The following CACNA2D3 variants were observed in gnomAD, a reference collection of about 807,000 sequenced individuals.
CACNA2D3 encodes calcium voltage-gated channel auxiliary subunit alpha2delta 3.
A neutral mutation model predicts 160.6 loss-of-function variants in CACNA2D3; 60 were observed. The observed-to-expected ratio is 0.37, with a 90% CI of 0.30 to 0.46. The LOEUF is 0.46. Ranked by LOEUF, CACNA2D3 falls within the 20% of genes least tolerant of loss-of-function variation. The pLI is 1.00. For synonymous variants in CACNA2D3, 558 were observed against 492.9 expected (o/e 1.13, Z -1.75); for missense variants, 1,205 against 1,365.0 (o/e 0.88, Z 1.85).
intron 4 of CACNA2D3, among the ~76,000 whole-genome samples, chr3:54,497,191 T>G (rs371660913): frequency 1.3e-5 from 2 of 152,082 alleles, no homozygotes; most frequent in African/African-American, 4.8e-5. Flanking sequence ...TGTAGATCAC[T>G]TTGGGAAGAA....
chr3:54,748,088 G>A (rs957447558), intron 11 of CACNA2D3, among the ~76,000 whole-genome samples: 1 of 152,140 alleles, frequency 6.6e-6, no homozygotes, highest in Non-Finnish European at 1.5e-5. Context: ...TGAGTTACAC[G>A]TGATAGATGA....
chr3:54,811,664 AT>A (rs370835670), intron 13 of CACNA2D3, among the ~76,000 whole-genome samples: 14 of 150,762 alleles, frequency 9.3e-5, no homozygotes, highest in African/African-American at 3.4e-4. Context: ...TGCCCAGCTA[AT>A]TTTTTTTGTA....
At chr3:54,598,142 C>G (rs1354275245) in intron 9 of CACNA2D3, among the ~76,000 whole-genome samples, 1 of 148,360 alleles carries the variant, frequency 6.7e-6, no homozygotes, top group African/African-American at 2.5e-5. Context: ...AAAAAAAATA[C>G]AACAACAACA....
intron 27 of CACNA2D3, among the ~76,000 whole-genome samples, chr3:54,900,324 TTAGC>T (rs1700298260): frequency 6.6e-6 from 1 of 152,094 alleles, no homozygotes; most frequent in Admixed American, 6.5e-5. Flanking sequence ...GGAATTAGAG[TTAGC>T]TGTATCTGCA....
chr3:54,589,705 A>G (rs1358351158), intron 9 of CACNA2D3, among the ~76,000 whole-genome samples: 1 of 152,216 alleles, frequency 6.6e-6, no homozygotes, highest in Non-Finnish European at 1.5e-5. Context: ...TTAAAACTCA[A>G]CAATAAACAC....
intron 6 of CACNA2D3, among the ~76,000 whole-genome samples, chr3:54,569,238 CATA>C (rs1702455425): frequency 6.6e-6 from 1 of 152,192 alleles, no homozygotes; most frequent in South Asian, 2.1e-4. Flanking sequence ...TATTATGCAG[CATA>C]ATGAGAGCCA....
At chr3:55,027,032 A>AAAC (rs1703577741) in intron 35 of CACNA2D3, among the ~76,000 whole-genome samples, 1 of 152,168 alleles carries the variant, frequency 6.6e-6, no homozygotes, top group Non-Finnish European at 1.5e-5. Context: ...CTAACAGAGC[A>AAAC]AACAACTCAC....
chr3:54,475,160 A>G (rs1169486018), intron 4 of CACNA2D3, among the ~76,000 whole-genome samples: 15 of 152,140 alleles, frequency 9.9e-5, no homozygotes, highest in Admixed American at 7.2e-4. Context: ...ACCTGAGACT[A>G]AAGGCTGAGG....
At chr3:54,692,024 G>C (rs1411354434) in intron 11 of CACNA2D3, among the ~76,000 whole-genome samples, 1 of 151,524 alleles carries the variant, frequency 6.6e-6, no homozygotes, top group Non-Finnish European at 1.5e-5. Flanking sequence ...GTCCAGGCTG[G>C]AGTACAGTGG....
chr3:54,255,044 A>G (rs1001574575), intron 2 of CACNA2D3, among the ~76,000 whole-genome samples: 1 of 152,214 alleles, frequency 6.6e-6, no homozygotes, highest in African/African-American at 2.4e-5. Flanking sequence ...GAGGGGAGAG[A>G]CAACATCTGT....
chr3:54,384,052 T>C (rs191253850), intron 3 of CACNA2D3, among the ~76,000 whole-genome samples: 2 of 152,336 alleles, frequency 1.3e-5, no homozygotes, highest in Admixed American at 1.3e-4. Context: ...GATTTCAACT[T>C]GCCTATTATT....
chr3:54,635,944 A>G (rs140911801), intron 10 of CACNA2D3, among the ~76,000 whole-genome samples: 14,046 of 152,010 alleles, frequency 0.092, 937 homozygotes, highest in Non-Finnish European at 0.14. Flanking sequence ...GAAAGTGTCT[A>G]TTTAGACTAA....
chr3:54,376,832 C>T (rs1402455157), intron 3 of CACNA2D3, among the ~76,000 whole-genome samples: 2 of 152,082 alleles, frequency 1.3e-5, no homozygotes, highest in Admixed American at 1.3e-4. Context: ...GTTCCCTGGA[C>T]CAACACGATA....
intron 3 of CACNA2D3, among the ~76,000 whole-genome samples, chr3:54,321,138 G>A (rs1230515531): frequency 6.6e-6 from 1 of 152,054 alleles, no homozygotes; most frequent in Non-Finnish European, 1.5e-5. Flanking sequence ...TGGCCAACAT[G>A]GTGAAACCCT....
chr3:54,392,764 C>T (rs1406536388), intron 4 of CACNA2D3, among the ~76,000 whole-genome samples: 1 of 152,142 alleles, frequency 6.6e-6, no homozygotes, highest in Non-Finnish European at 1.5e-5. Flanking sequence ...ACCTGCTTAC[C>T]TGTTACAATG....
intron 14 of CACNA2D3, among the ~76,000 whole-genome samples, chr3:54,823,237 G>GA (rs1309610270): frequency 2.0e-5 from 3 of 151,890 alleles, no homozygotes; most frequent in East Asian, 1.9e-4. Flanking sequence ...TGTGTAAGGG[G>GA]AAAAATCAGG....
In CACNA2D3 at chr3:54,635,916, C is replaced by T. The variant is rs557723706; in HGVS notation, c.1054-6212C>T. The stretch of plus-strand genomic sequence containing the variant: ...TGGCCTTCTCAGACCCTGTAGGAAA[C>T]GCCTTTACTTATTCAGTGAAAGTGT... On this transcript the variant is annotated intron_variant, in intron 10 of 37. Coordinates refer to ENST00000474759, the MANE Select transcript of CACNA2D3 (RefSeq NM_018398.3). 1.8e-4 allele frequency among the ~76,000 whole-genome samples: 27 copies of T among 152,144 alleles called. No homozygotes were observed. The East Asian group carries it at 3.5e-3, about 20-fold the overall frequency.
At chr3:54,236,452 T>G (rs903141228) in intron 2 of CACNA2D3, among the ~76,000 whole-genome samples, 5 of 152,200 alleles carry the variant, frequency 3.3e-5, no homozygotes, top group African/African-American at 7.2e-5. Context: ...AATCTAAAAC[T>G]ATTCTGAGAT....
At chr3:54,473,316 A>G (rs1301847372) in intron 4 of CACNA2D3, among the ~76,000 whole-genome samples, 1 of 152,186 alleles carries the variant, frequency 6.6e-6, no homozygotes. Context: ...GTGTTGGGAA[A>G]ACTTGCCAGC....
Sources: allele counts gnomAD v4.1 joint callset (sites outside exome capture counted in the v4.1 genomes callset), GRCh38; gene constraint gnomAD v4.1.1; transcripts MANE v1.5; gene names NCBI Gene and HGNC (gene_info 2026-07-23, HGNC 2026-07-21).